Variants in PON3 observed in about 807,000 individuals in gnomAD.
PON3 encodes the protein serum paraoxonase/lactonase 3.
A neutral mutation model predicts 36.3 loss-of-function variants in PON3; 37 were observed. The ratio of observed to expected loss-of-function variants is 1.02; its 90% CI spans 0.78 to 1.34. PON3 has a LOEUF of 1.34. PON3 is among the 40% of genes most tolerant of loss of function. The pLI is 0.00. For missense variants in PON3, 415 were observed against 426.5 expected (o/e 0.97, Z 0.24); for synonymous variants, 155 against 154.8 (o/e 1.00, Z -0.01).
intron 3 of PON3, among the ~76,000 whole-genome samples, chr7:95,375,615 A>G (rs1281879713): frequency 2.0e-5 from 3 of 152,226 alleles, no homozygotes; most frequent in Non-Finnish European, 4.4e-5. Flanking sequence ...GGTGGAGCAT[A>G]GCCAGCTAGT....
In PON3 at chr7:95,396,180, T is replaced by C. The variant is rs1275127527; in HGVS notation, c.74+97A>G. The C allele has an allele frequency of 6.6e-6, 9 of 1,365,544 alleles. No individual in the cohort carries two copies. The Admixed American group carries it at 1.5e-4, about 23-fold the overall frequency. The allele number at this position is 1,365,544 out of a possible 1,614,324, so 84.6% of individuals were successfully genotyped here. On this transcript the variant is annotated intron_variant, in intron 1 of 8. Coordinates refer to ENST00000265627, the MANE Select transcript of PON3 (RefSeq NM_000940.3). Reference sequence around the variant, plus strand: ...AGGAGTGAGGTTCCAAAGCTGCTCTTTCCTACCCGCTAGGAAGGGGGCGCC... The same window carrying C: ...AGGAGTGAGGTTCCAAAGCTGCTCTCTCCTACCCGCTAGGAAGGGGGCGCC...
At chr7:95,366,693 G>A (rs1585719467) in intron 5 of PON3, among the ~76,000 whole-genome samples, 1 of 152,324 alleles carries the variant, frequency 6.6e-6, no homozygotes, top group South Asian at 2.1e-4. Context: ...GCAATTGAGA[G>A]CTCAGCTTTG....
chr7:95,378,738 G>A (rs2116401233), intron 3 of PON3, among the ~76,000 whole-genome samples: 1 of 152,224 alleles, frequency 6.6e-6, no homozygotes, highest in Admixed American at 6.5e-5. Flanking sequence ...TGCCTTACAA[G>A]AGCTCCTGAA....
chr7:95,394,582 C>T (rs2116428957), intron 2 of PON3, 62 bp downstream of exon 2: 1 of 1,434,292 alleles, frequency 7.0e-7, no homozygotes, highest in Non-Finnish European at 9.8e-7. Context: ...TGGTAGGGCT[C>T]AGTCAGGTGG....
rs769824690 is a variant in PON3 at position 95,362,741 on chromosome 7, C to T, written c.777+19G>A. ...AAGGTAAGAAGTCAGATTGTGTGGG[C>T]CAGACAGGGTACTCTTACCTTCAGT... On this transcript the variant is annotated intron_variant, in intron 7 of 8. Transcript: ENST00000265627. 1.9e-6 allele frequency: 3 copies of T among 1,578,882 alleles called. No individual in the cohort carries two copies. Among genetic ancestry groups the T allele is most frequent in the East Asian group, 2.2e-5 (1 of 44,704 alleles).
At chr7:95,383,342 G>A (rs1160421563) in intron 3 of PON3, among the ~76,000 whole-genome samples, 2 of 152,192 alleles carry the variant, frequency 1.3e-5, no homozygotes, top group Non-Finnish European at 2.9e-5. Context: ...AGTGTTGGAA[G>A]TTCTCGCCAA....
At chr7:95,374,264 T>G (rs147140720) in intron 3 of PON3, among the ~76,000 whole-genome samples, 40 of 152,336 alleles carry the variant, frequency 2.6e-4, no homozygotes, top group Admixed American at 1.5e-3. Context: ...GAATTTCCTA[T>G]AATTCTTTCC....
chr7:95,379,474 C>T (rs961457239), intron 3 of PON3, among the ~76,000 whole-genome samples: 15 of 152,366 alleles, frequency 9.8e-5, no homozygotes, highest in South Asian at 4.1e-4. Context: ...CTGTGACAGA[C>T]GGCACCTGGA....
intron 3 of PON3, among the ~76,000 whole-genome samples, chr7:95,388,524 C>T (rs1285100928): frequency 1.3e-5 from 2 of 152,092 alleles, no homozygotes; most frequent in Non-Finnish European, 2.9e-5. Context: ...TGTGGAAGAC[C>T]GTGTGGCAGT....
chr7:95,390,012 G>C, intron 3 of PON3, 142 bp downstream of exon 3: 1 of 912,434 alleles, frequency 1.1e-6, no homozygotes, highest in Non-Finnish European at 1.8e-6. Context: ...CCAAAATTCT[G>C]TTTTGGCTTT....
chr7:95,392,723 C>T (rs1183774906), intron 2 of PON3, among the ~76,000 whole-genome samples: 1 of 152,218 alleles, frequency 6.6e-6, no homozygotes, highest in Non-Finnish European at 1.5e-5. Flanking sequence ...ATTCATTCTA[C>T]ACTACGTATC....
At chr7:95,396,121 C>A in intron 1 of PON3, 156 bp downstream of exon 1, 1 of 784,158 alleles carries the variant, frequency 1.3e-6, no homozygotes, top group East Asian at 2.6e-5. Flanking sequence ...TCCCCATAAG[C>A]GAGTCTCAAG....
At chr7:95,372,934 T>C (rs1221610469) in intron 3 of PON3, among the ~76,000 whole-genome samples, 1 of 152,208 alleles carries the variant, frequency 6.6e-6, no homozygotes, top group Non-Finnish European at 1.5e-5. Flanking sequence ...ATGAATGCTT[T>C]ACTCAAACAT....
At chr7:95,379,380 G>A (rs892975091) in intron 3 of PON3, among the ~76,000 whole-genome samples, 13 of 152,380 alleles carry the variant, frequency 8.5e-5, no homozygotes, top group East Asian at 7.7e-4. Context: ...GCAGCGCACC[G>A]AGTGTGAGCC....
At chr7:95,362,545 T>C (rs867681018) in intron 7 of PON3, 55 bp from the exon 8 acceptor site, 1 of 1,609,986 alleles carries the variant, frequency 6.2e-7, no homozygotes, top group East Asian at 2.2e-5. Flanking sequence ...CTCGCTTTCT[T>C]CCCTATTCAT....
Position 95,393,546 on chromosome 7 carries a change from G to C in PON3, c.145+1098C>G, listed in dbSNP as rs74828460. Among the ~76,000 whole-genome samples, 38 of 152,254 alleles carry C rather than the reference G, an allele frequency of 2.5e-4. No homozygotes were observed. The East Asian group carries it at 7.3e-3, about 29-fold the overall frequency. On this transcript the variant is annotated intron_variant, in intron 2 of 8. Coordinates refer to ENST00000265627, the MANE Select transcript of PON3 (RefSeq NM_000940.3). The stretch of plus-strand genomic sequence containing the variant: ...AATGTCAGGAAGAATTGGAGCTGTG[G>C]AGCCCAAATAAGCAGGTGTGGCATT...
intron 5 of PON3, among the ~76,000 whole-genome samples, 163 bp downstream of exon 5, chr7:95,367,199 T>C (rs1218559534): frequency 6.6e-6 from 1 of 152,136 alleles, no homozygotes; most frequent in Non-Finnish European, 1.5e-5. Flanking sequence ...CAATTTCTAG[T>C]GAGGCGCTGG....
At chr7:95,364,299 G>T (rs552072614) in intron 5 of PON3, 15 of 553,148 alleles carry the variant, frequency 2.7e-5, no homozygotes, top group Non-Finnish European at 4.2e-5. Context: ...TCAGTGAAAA[G>T]AAATAAATTC....
intron 6 of PON3, 105 bp downstream of exon 6, chr7:95,363,758 T>C (rs1376877844): frequency 1.8e-6 from 2 of 1,102,812 alleles, no homozygotes; most frequent in Non-Finnish European, 2.8e-6. Context: ...CCTCCACACA[T>C]ATATTCACTA....
Sources: allele counts gnomAD v4.1 joint callset (sites outside exome capture counted in the v4.1 genomes callset), GRCh38; gene constraint gnomAD v4.1.1; transcripts MANE v1.5; gene names NCBI Gene and HGNC (gene_info 2026-07-23, HGNC 2026-07-21).